The following JAK3 variants were observed in gnomAD, a reference collection of about 807,000 sequenced individuals.
JAK3 encodes the protein Janus kinase 3, also known as tyrosine-protein kinase JAK3.
In JAK3, 88 loss-of-function variants were observed where a neutral mutation model predicts 120.8. That is an observed-to-expected ratio of 0.73 (90% CI 0.61 to 0.87). JAK3 has a LOEUF of 0.87. JAK3 is among the 40% of genes least tolerant of loss of function. The pLI is 0.00. For missense variants in JAK3, 1,254 were observed against 1,501.4 expected (o/e 0.84, Z 2.72); for synonymous variants, 592 against 628.6 (o/e 0.94, Z 0.87).
rs1297076700 is a variant in JAK3 at position 17,842,268 on chromosome 19, A to T, written c.861+48T>A. ...CCTACCACTCTCCGGCCCCTCCCCG[A>T]GCCCCGCCCCCACGTTGGCCCCGCC... is the stretch of plus-strand genomic sequence containing the variant. On this transcript the variant is annotated intron_variant, in intron 6 of 23. Coordinates refer to ENST00000458235, the MANE Select transcript of JAK3 (RefSeq NM_000215.4). This position sits in a 1 kb window ranked among gnomAD's most constrained non-coding sequence, Gnocchi z 6.4. The T allele has an allele frequency of 3.2e-6, 3 of 949,220 alleles. No individual in the cohort carries two copies. Among genetic ancestry groups the T allele is most frequent in the Non-Finnish European group, 4.4e-6 (3 of 676,092 alleles). 58.8% of individuals were successfully genotyped at this position (949,220 alleles called of 1,614,324 possible). A position where few individuals can be genotyped will look rare whatever the true frequency, so the allele number is the denominator to read the frequency against.
chr19:17,835,924 C>T lies in JAK3; in HGVS notation c.1914G>A (p.Leu638=). ...VKQLAYALNY[L]EDKGLPHGNV... Reference sequence around the variant, plus strand: ...GTGGAGCAGGCAGAGGAGCACTCACCAGATAGTTGAGGGCGTAGGCCAGCT... The same window carrying T: ...GTGGAGCAGGCAGAGGAGCACTCACTAGATAGTTGAGGGCGTAGGCCAGCT... Residue 638 remains leucine, a splice_region_variant and synonymous_variant, in exon 14 of 24, where the codon CTG becomes CTA. Transcript: ENST00000458235. 6.2e-7 allele frequency: 1 copy of T among 1,613,896 alleles called. No homozygotes were observed. Among genetic ancestry groups the T allele is most frequent in the Non-Finnish European group, 8.5e-7 (1 of 1,180,042 alleles).
rs749079957 is a variant in JAK3, at chr19:17,839,679, G to GCCC, written c.1255-19_1255-17dup. The GCCC allele has an allele frequency of 7.4e-5, 119 of 1,600,038 alleles. No individual in the cohort carries two copies. Among genetic ancestry groups the GCCC allele is most frequent in the Admixed American group, 2.4e-4 (14 of 58,296 alleles). ...CAAGGGGGTTCTGCAAAGAAGAGTG[G>GCCC]CCCCTGAGTGGGACTGAGCGACAGA... On this transcript the variant is annotated splice_polypyrimidine_tract_variant and intron_variant, in intron 9 of 23. Coordinates refer to ENST00000458235, the MANE Select transcript of JAK3 (RefSeq NM_000215.4).
At chr19:17,847,606 A>G (rs897186946) in intron 1 of JAK3, among the ~76,000 whole-genome samples, 2 of 152,070 alleles carry the variant, frequency 1.3e-5, no homozygotes, top group African/African-American at 2.4e-5. Context: ...CTGGACCGGG[A>G]AGGCCTGGAG....
Position 17,837,139 on chromosome 19 carries a change from C to T in JAK3, c.1776G>A (p.Met592Ile). The T allele has an allele frequency of 6.4e-7, 1 of 1,554,026 alleles. No homozygotes were observed. Among genetic ancestry groups the T allele is most frequent in the South Asian group, 1.2e-5 (1 of 84,196 alleles). The change falls in exon 13 of 24, where the codon ATG becomes ATA. Residue 592 changes from methionine (M) to isoleucine (I), a missense_variant. Transcript: ENST00000458235. ...RHLVLLHGVCMAGDSTMVQEF... is the reference protein window; with the variant it reads ...RHLVLLHGVCIAGDSTMVQEF... ...GTGGGGGGCTCTCACTGTCTCCAGC[C>T]ATGCACACGCCGTGGAGCAGCACGA...
Position 17,844,527 on chromosome 19 carries a change from G to A in JAK3, c.-13-97C>T, listed in dbSNP as rs1285952009. The A allele has an allele frequency of 1.6e-5, 17 of 1,091,894 alleles. No individual in the cohort carries two copies. The Admixed American group carries it at 1.9e-4, about 12-fold the overall frequency. The allele number at this position is 1,091,894 out of a possible 1,614,324, so 67.6% of individuals were successfully genotyped here. A position where few individuals can be genotyped will look rare whatever the true frequency, so the allele number is the denominator to read the frequency against. On this transcript the variant is annotated intron_variant, in intron 1 of 23. Transcript: ENST00000458235. The stretch of plus-strand genomic sequence containing the variant: ...GAAAGGAGTGCTGGAGGCCGGGTGC[G>A]GTGGCTTATGCCTGTAATCACAGCA...
Position 17,837,715 on chromosome 19 carries a change from T to G in JAK3, c.1701+217A>C, listed in dbSNP as rs547590686. ...CAGGCGTGAGCCACCGCGCCCGGCC[T>G]AAAATTTTTTTGTCAAGACGAGGTC... On this transcript the variant is annotated intron_variant, in intron 12 of 23. Transcript: ENST00000458235. Among the ~76,000 whole-genome samples, 11 of 150,784 alleles carry G rather than the reference T, an allele frequency of 7.3e-5. No homozygotes were observed. In the South Asian group the frequency reaches 2.3e-3, roughly 32 times the overall value.
At chr19:17,844,469 G>A (rs2147701357) in intron 1 of JAK3, 39 bp from the exon 2 acceptor site, 2 of 1,547,720 alleles carry the variant, frequency 1.3e-6, no homozygotes, top group African/African-American at 1.4e-5. Context: ...GTCCTGGTCA[G>A]AGGGGATTGG....
chr19:17,830,063 C>A, intron 23 of JAK3, 45 bp downstream of exon 23: 1 of 1,434,060 alleles, frequency 7.0e-7, no homozygotes, highest in Non-Finnish European at 9.6e-7. Flanking sequence ...AGACCCCGGC[C>A]CAATCTACAG....
In JAK3 at chr19:17,843,257, C is replaced by G. The variant is rs2094244478; in HGVS notation, c.421-85G>C. 1 of 1,545,190 alleles carries G rather than the reference C, an allele frequency of 6.5e-7. No individual in the cohort carries two copies. The highest frequency in any genetic ancestry group is 1.4e-5 in the African/African-American group (1 of 72,980). The stretch of plus-strand genomic sequence containing the variant: ...ACCTGCAGACCCCCCCAATCCTGGG[C>G]TGACCCCCACCCCTGGACTGCCACA... On this transcript the variant is annotated intron_variant, in intron 4 of 23. Transcript: ENST00000458235. This position sits in a 1 kb window ranked among gnomAD's most constrained non-coding sequence, Gnocchi z 5.4.
chr19:17,833,839 G>A (rs111569575), intron 17 of JAK3, among the ~76,000 whole-genome samples: 18 of 151,186 alleles, frequency 1.2e-4, no homozygotes, highest in African/African-American at 4.4e-4. Context: ...GGTGACAGAG[G>A]GAGATAGTGT....
At chr19:17,835,243 C>T (rs2147683386) in intron 14 of JAK3, 28 bp from the exon 15 acceptor site, 2 of 1,610,902 alleles carry the variant, frequency 1.2e-6, no homozygotes, top group East Asian at 2.2e-5. Context: ...AGGAAAATGC[C>T]CGGGAGGGTT....
At chr19:17,844,810 A>AAAG (rs1555746421) in intron 1 of JAK3, among the ~76,000 whole-genome samples, 3 of 127,142 alleles carry the variant, frequency 2.4e-5, no homozygotes, top group African/African-American at 6.4e-5. Flanking sequence ...AAAAAAAAAA[A>AAAG]AAAGAAAGAA....
rs1038971706 is a variant in JAK3 at position 17,832,210 on chromosome 19, C to T, written c.2680+309G>A. 3.9e-5 allele frequency among the ~76,000 whole-genome samples: 6 copies of T among 152,056 alleles called. No homozygotes were observed. The highest frequency in any genetic ancestry group is 1.9e-4 in the East Asian group (1 of 5,186). Reference sequence around the variant, plus strand: ...TTGGAAGGCAGAGGTTGCAGTGAGCCGAGATTGAGCCACTGCCTCCAGCCT... The same window carrying T: ...TTGGAAGGCAGAGGTTGCAGTGAGCTGAGATTGAGCCACTGCCTCCAGCCT... On this transcript the variant is annotated intron_variant, in intron 19 of 23. Coordinates refer to ENST00000458235, the MANE Select transcript of JAK3 (RefSeq NM_000215.4). The surrounding 1 kb of genome is among the most constrained non-coding windows in gnomAD (Gnocchi z 4.7).
At position 17,831,985 on chromosome 19, in the gene JAK3, T is replaced by C. The variant is rs1381025705; in HGVS notation, c.2681-187A>G. 6.6e-6 allele frequency among the ~76,000 whole-genome samples: 1 copy of C among 152,242 alleles called. No individual in the cohort carries two copies. The highest frequency in any genetic ancestry group is 2.4e-5 in the African/African-American group (1 of 41,452). On this transcript the variant is annotated intron_variant, in intron 19 of 23. Transcript: ENST00000458235. This position sits in a 1 kb window ranked among gnomAD's most constrained non-coding sequence, Gnocchi z 5.1. ...TCTACAACATACATTGATGTGTTTA[T>C]ATATCACGGCCAGGTGCAGTGGCTC... is the stretch of plus-strand genomic sequence containing the variant.
At chr19:17,838,445 A>T in intron 10 of JAK3, 55 bp from the exon 11 acceptor site, 1 of 1,609,046 alleles carries the variant, frequency 6.2e-7, no homozygotes, top group Non-Finnish European at 8.5e-7. Context: ...AAAGTCCCCA[A>T]GGGTTAGCTA....
intron 8 of JAK3, 79 bp from the exon 9 acceptor site, chr19:17,840,420 C>T (rs2094235404): frequency 3.2e-6 from 3 of 923,222 alleles, no homozygotes; most frequent in African/African-American, 1.6e-5. Flanking sequence ...AATTCAGGTA[C>T]CTCTGTAGCC....
At position 17,843,437 on chromosome 19, in the gene JAK3, G is replaced by A. The variant is rs199656951; in HGVS notation, c.363C>T (p.Arg121=). ...GLEKCHRFGL[R]KDLASAILDL... is the part of the protein sequence containing the mutation. Reference sequence around the variant, plus strand: ...CAAGGATAGCACTGGCCAAATCCTTGCGTAGCCCGAAGCGGTGGCACTTCT... The same window carrying A: ...CAAGGATAGCACTGGCCAAATCCTTACGTAGCCCGAAGCGGTGGCACTTCT... Residue 121 remains arginine, a synonymous_variant, in exon 4 of 24, where the codon CGC becomes CGT. Transcript: ENST00000458235. The surrounding 1 kb of genome is among the most constrained non-coding windows in gnomAD (Gnocchi z 5.4). 1.1e-5 allele frequency: 17 copies of A among 1,599,902 alleles called. No individual in the cohort carries two copies. Among genetic ancestry groups the A allele is most frequent in the Non-Finnish European group, 1.4e-5 (16 of 1,173,538 alleles).
rs1450112701 is a variant in JAK3 at position 17,831,885 on chromosome 19, C to T, written c.2681-87G>A. Reference sequence around the variant, plus strand: ...CCTTTCACAGTGGGACCTTGTGTCCCTCTCGACCTCAGTTTTGCTGACTGT... The same window carrying T: ...CCTTTCACAGTGGGACCTTGTGTCCTTCTCGACCTCAGTTTTGCTGACTGT... On this transcript the variant is annotated intron_variant, in intron 19 of 23. Coordinates refer to ENST00000458235, the MANE Select transcript of JAK3 (RefSeq NM_000215.4). The surrounding 1 kb of genome is among the most constrained non-coding windows in gnomAD (Gnocchi z 5.1). 6.4e-6 allele frequency: 10 copies of T among 1,560,018 alleles called. No individual in the cohort carries two copies. In the African/African-American group the frequency reaches 1.1e-4, roughly 17 times the overall value.
intron 1 of JAK3, 100 bp downstream of exon 1, chr19:17,847,846 C>T: frequency 2.0e-6 from 1 of 492,348 alleles, no homozygotes; most frequent in Non-Finnish European, 2.7e-6. Context: ...GGCGAGCTAG[C>T]CTTTGCCCTG....
Sources: allele counts gnomAD v4.1 joint callset (sites outside exome capture counted in the v4.1 genomes callset), GRCh38; gene constraint gnomAD v4.1.1; non-coding constraint Gnocchi (gnomAD v3.1); transcripts MANE v1.5; gene names NCBI Gene and HGNC (gene_info 2026-07-23, HGNC 2026-07-21).